CNTN1: variants seen among roughly 807,000 people sequenced by gnomAD.
CNTN1 encodes the protein contactin-1.
Under a neutral mutation model 126.4 loss-of-function variants are expected in CNTN1, and 38 were observed. That is an observed-to-expected ratio of 0.30 (90% CI 0.23 to 0.39). The LOEUF (loss-of-function observed/expected upper bound fraction) is 0.39, where lower values mean the gene tolerates loss of function less well. Ranked by LOEUF, CNTN1 falls within the 10% of genes least tolerant of loss-of-function variation. The pLI, the probability that CNTN1 is intolerant of heterozygous loss-of-function variation, is 1.00. For missense variants in CNTN1, 1,009 were observed against 1,248.4 expected, an observed-to-expected ratio of 0.81 and a Z score of 2.89; for synonymous variants, 413 against 422.6, an observed-to-expected ratio of 0.98 and a Z score of 0.28.
intron 9 of CNTN1, 140 bp from the exon 10 acceptor site, chr12:40,936,641 C>G: frequency 2.1e-6 from 2 of 971,346 alleles, no homozygotes; most frequent in Middle Eastern, 3.2e-4. Flanking sequence ...AAAGACAAGG[C>G]CTATTACTGA....
chr12:40,910,189 T>C (rs1944976682), intron 3 of CNTN1, 84 bp downstream of exon 3: 2 of 1,116,170 alleles, frequency 1.8e-6, no homozygotes, highest in Admixed American at 1.8e-5. Flanking sequence ...ATTAACTCTC[T>C]AAACTTTAAG....
At chr12:40,964,515 CGTGTAAGTGA>C (rs1470345876) in intron 15 of CNTN1, among the ~76,000 whole-genome samples, 1 of 106,030 alleles carries the variant, frequency 9.4e-6, no homozygotes, top group African/African-American at 3.9e-5. Flanking sequence ...GTGAAAACAC[CGTGTAAGTGA>C]GTGTGTGTGT....
intron 1 of CNTN1, among the ~76,000 whole-genome samples, chr12:40,710,610 GGT>G (rs1941888213): frequency 6.6e-6 from 1 of 152,024 alleles, no homozygotes; most frequent in Non-Finnish European, 1.5e-5. Context: ...AATAAAATGA[GGT>G]ATAGCTGTAC....
intron 1 of CNTN1, among the ~76,000 whole-genome samples, chr12:40,907,790 TATTA>T (rs984325090): frequency 1.3e-5 from 2 of 152,216 alleles, no homozygotes; most frequent in African/African-American, 4.8e-5. Flanking sequence ...ATGAATATTT[TATTA>T]ATTAATATAT....
intron 1 of CNTN1, among the ~76,000 whole-genome samples, chr12:40,742,988 T>G (rs1938014068): frequency 6.6e-6 from 1 of 152,054 alleles, no homozygotes; most frequent in Non-Finnish European, 1.5e-5. Context: ...CAGTAGGTAA[T>G]GAGTTAAATA....
chr12:40,908,371 C>T lies in CNTN1; in HGVS notation c.-62C>T. On this transcript the variant is annotated 5_prime_UTR_variant, in exon 2 of 24. Coordinates refer to ENST00000551295, the MANE Select transcript of CNTN1 (RefSeq NM_001843.4). Reference sequence around the variant, plus strand: ...TCTTGATGCAGGTGTTTAAAATTATCCAACTGCCATAGAGCTAAATTCTTT... The same window carrying T: ...TCTTGATGCAGGTGTTTAAAATTATTCAACTGCCATAGAGCTAAATTCTTT... 1 of 1,243,180 alleles carries T rather than the reference C, an allele frequency of 8.0e-7. No homozygotes were observed. Among genetic ancestry groups the T allele is most frequent in the East Asian group, 2.3e-5 (1 of 42,702 alleles). 77.0% of individuals were successfully genotyped at this position (1,243,180 alleles called of 1,614,324 possible).
In CNTN1 at chr12:40,924,585, T is replaced by C. The variant is rs944116841; in HGVS notation, c.429T>C (p.Arg143=). 3.1e-6 allele frequency: 5 copies of C among 1,604,502 alleles called. No homozygotes were observed. The highest frequency in any genetic ancestry group is 2.2e-5 in the South Asian group (2 of 90,864). ...TTGATCCTTTCCCACCTGAGGAACG[T>C]CCTGAGGTCAGAGTAAAAGAAGGGA... is the stretch of plus-strand genomic sequence containing the variant. ...GYLDPFPPEE[R]PEVRVKEGKG... The change falls in exon 6 of 24, where the codon CGT becomes CGC. Residue 143 remains arginine (R), a synonymous_variant. Transcript: ENST00000551295.
At position 41,018,090 on chromosome 12, in the gene CNTN1, C is replaced by CAAA. The variant is rs112670448; in HGVS notation, c.2419+1184_2419+1186dup. Among the ~76,000 whole-genome samples, 21 of 146,870 alleles carry CAAA rather than the reference C, an allele frequency of 1.4e-4. No individual in the cohort carries two copies. The East Asian group carries it at 3.6e-3, about 25-fold the overall frequency. On this transcript the variant is annotated intron_variant, in intron 19 of 23. Coordinates refer to ENST00000551295, the MANE Select transcript of CNTN1 (RefSeq NM_001843.4). The stretch of plus-strand genomic sequence containing the variant: ...GGGCAACAAAAGCGAAAGTCCATCT[C>CAAA]AAAAAAAAAAAATAATAATAATAAT...
intron 23 of CNTN1, among the ~76,000 whole-genome samples, chr12:41,030,205 T>A (rs1011966929): frequency 2.6e-5 from 4 of 151,836 alleles, no homozygotes; most frequent in Admixed American, 2.6e-4. Context: ...AAAAGAAAAT[T>A]GAAAATTTGG....
chr12:40,943,326 G>C (rs1395716953), intron 12 of CNTN1, among the ~76,000 whole-genome samples: 1 of 152,058 alleles, frequency 6.6e-6, no homozygotes, highest in Non-Finnish European at 1.5e-5. Context: ...GCCTATGACT[G>C]ATTTCAGCCT....
chr12:40,895,911 C>T (rs1172529241), intron 1 of CNTN1: 4 of 145,898 alleles, frequency 2.7e-5, no homozygotes, highest in Non-Finnish European at 4.5e-5. Context: ...GCGGCTGCCA[C>T]CATGCCCAGC....
chr12:40,861,882 TTA>T (rs1383388293), intron 1 of CNTN1, among the ~76,000 whole-genome samples: 4 of 152,120 alleles, frequency 2.6e-5, no homozygotes, highest in Middle Eastern at 3.2e-3. Flanking sequence ...GCATTTTTAC[TTA>T]TGTCTTAAAC....
At chr12:40,883,603 C>A (rs2136704072) in intron 1 of CNTN1, among the ~76,000 whole-genome samples, 1 of 151,534 alleles carries the variant, frequency 6.6e-6, no homozygotes, top group South Asian at 2.1e-4. Context: ...AAGAATGTTG[C>A]TAGGAAACAC....
intron 1 of CNTN1, among the ~76,000 whole-genome samples, chr12:40,856,234 C>T (rs11178778): frequency 0.16 from 24,578 of 151,852 alleles, 3,115 homozygotes; most frequent in African/African-American, 0.36. Flanking sequence ...ATATATACAC[C>T]AGTTTAAAGA....
intron 19 of CNTN1, among the ~76,000 whole-genome samples, chr12:41,018,145 T>C (rs1389797583): frequency 5.9e-5 from 9 of 152,000 alleles, no homozygotes; most frequent in Admixed American, 5.9e-4. Flanking sequence ...GTGCACTGTG[T>C]AAATAATTAA....
chr12:40,702,946 C>T (rs1051495452), intron 1 of CNTN1, among the ~76,000 whole-genome samples: 6 of 152,036 alleles, frequency 3.9e-5, no homozygotes, highest in South Asian at 2.1e-4. Flanking sequence ...CATTATTCTA[C>T]GTGTAGTTTT....
At chr12:40,918,033 G>A (rs1289224283) in intron 3 of CNTN1, among the ~76,000 whole-genome samples, 2 of 152,102 alleles carry the variant, frequency 1.3e-5, no homozygotes, top group East Asian at 1.9e-4. Flanking sequence ...TCAGACTCTT[G>A]TTCAAAAATC....
At chr12:40,781,605 G>T (rs1019854541) in intron 1 of CNTN1, among the ~76,000 whole-genome samples, 1 of 151,868 alleles carries the variant, frequency 6.6e-6, no homozygotes, top group Non-Finnish European at 1.5e-5. Context: ...TTAAATTTCT[G>T]CCTCCCATTA....
chr12:40,995,424 A>G (rs1166063134), intron 17 of CNTN1, among the ~76,000 whole-genome samples: 1 of 152,186 alleles, frequency 6.6e-6, no homozygotes, highest in Non-Finnish European at 1.5e-5. Flanking sequence ...ATAGGGAATA[A>G]TAAAAGAAGA....
Sources: gnomAD v4.1 joint callset for allele counts (sites outside exome capture counted in the v4.1 genomes callset) on GRCh38, gnomAD v4.1.1 for gene constraint, MANE v1.5 for transcripts, NCBI Gene and HGNC (gene_info 2026-07-23, HGNC 2026-07-21) for gene names.